ZGRF1: variants seen among roughly 807,000 people sequenced by gnomAD.
The protein encoded by ZGRF1 is zinc finger GRF-type containing 1.
Under a neutral mutation model 203.5 loss-of-function variants are expected in ZGRF1, and 196 were observed. That is an observed-to-expected ratio of 0.96 (90% confidence interval 0.86 to 1.08). The LOEUF (loss-of-function observed/expected upper bound fraction) is 1.08. Ranked by LOEUF, ZGRF1 falls within the 50% of genes least tolerant of loss-of-function variation. The pLI is 0.00. For missense variants in ZGRF1, 2,326 were observed against 2,416.3 expected, an observed-to-expected ratio of 0.96 and a Z score of 0.78; for synonymous variants, 809 against 841.3, an observed-to-expected ratio of 0.96 and a Z score of 0.66.
intron 10 of ZGRF1, among the ~76,000 whole-genome samples, chr4:112,592,756 T>G (rs897031154): frequency 2.0e-5 from 3 of 152,340 alleles, no homozygotes; most frequent in South Asian, 2.1e-4. Flanking sequence ...TATTCTTATG[T>G]ATTCACCAAA....
rs562373596 is a variant in ZGRF1, at chr4:112,560,236, G to T, written c.4960+497C>A. ...CGCCTTCACTGTGACAGAACCAAGC[G>T]GTAAGAATAGCTCCAAAATTAGGTA... On this transcript the variant is annotated intron_variant, in intron 19 of 27. Coordinates refer to ENST00000505019, the MANE Select transcript of ZGRF1 (RefSeq NM_018392.5). Among the ~76,000 whole-genome samples, 98 of 152,214 alleles carry T rather than the reference G, an allele frequency of 6.4e-4. 1 individual carries two copies. Among genetic ancestry groups the T allele is most frequent in the Admixed American group, 5.2e-4 (8 of 15,286 alleles).
chr4:112,576,474 T>C (rs140136193), intron 16 of ZGRF1, among the ~76,000 whole-genome samples: 597 of 152,148 alleles, frequency 3.9e-3, no homozygotes, highest in South Asian at 8.1e-3. Context: ...ACGATCAAAC[T>C]ACTCCCAGCT....
chr4:112,557,663 G>A (rs1386868427), intron 20 of ZGRF1, among the ~76,000 whole-genome samples: 3 of 152,206 alleles, frequency 2.0e-5, no homozygotes, highest in Non-Finnish European at 2.9e-5. Context: ...TTGAGGAGTA[G>A]GGCAAGAACA....
At position 112,617,591 on chromosome 4, in the gene ZGRF1, T is replaced by C. The variant is rs1424601068; in HGVS notation, c.2451A>G (p.Ser817=). The change falls in exon 6 of 28, where the codon TCA becomes TCG. Residue 817 remains serine, a synonymous_variant. Transcript: ENST00000505019. ...GKQYWNPRNS[S]ELSGLVNTIS... is the part of the protein sequence containing the mutation. The stretch of plus-strand genomic sequence containing the variant: ...TGGTATTTACTAATCCAGAAAGTTC[T>C]GAAGAATTTCTAGGATTCCAGTATT... 3.7e-6 allele frequency: 6 copies of C among 1,613,840 alleles called. No homozygotes were observed. Among genetic ancestry groups the C allele is most frequent in the Non-Finnish European group, 5.1e-6 (6 of 1,179,956 alleles).
intron 14 of ZGRF1, among the ~76,000 whole-genome samples, chr4:112,584,718 CA>C (rs2149009605): frequency 6.6e-6 from 1 of 152,294 alleles, no homozygotes; most frequent in East Asian, 1.9e-4. Context: ...TATCACTACT[CA>C]TGAATTTTTG....
At chr4:112,550,338 G>GT (rs944746179) in intron 22 of ZGRF1, among the ~76,000 whole-genome samples, 1 of 151,386 alleles carries the variant, frequency 6.6e-6, no homozygotes, top group African/African-American at 2.4e-5. Flanking sequence ...AGTTTTAAAG[G>GT]TAAAAAAAGA....
At chr4:112,595,077 A>G (rs1748776930) in intron 10 of ZGRF1, among the ~76,000 whole-genome samples, 1 of 152,012 alleles carries the variant, frequency 6.6e-6, no homozygotes, top group Non-Finnish European at 1.5e-5. Context: ...CCCCATCTCT[A>G]CTAAAAATAT....
intron 10 of ZGRF1, among the ~76,000 whole-genome samples, chr4:112,602,659 T>C (rs1448352785): frequency 1.3e-5 from 2 of 152,172 alleles, no homozygotes; most frequent in African/African-American, 4.8e-5. Context: ...ATCTGAAGAA[T>C]GGATAAATTG....
chr4:112,624,207 G>A (rs982005274), intron 3 of ZGRF1, among the ~76,000 whole-genome samples: 1 of 151,836 alleles, frequency 6.6e-6, no homozygotes, highest in Non-Finnish European at 1.5e-5. Context: ...TTCCTACCAG[G>A]AGGATATTAG....
chr4:112,539,656 T>C lies in ZGRF1; in HGVS notation c.6206A>G (p.Tyr2069Cys). The C allele has an allele frequency of 1.9e-6, 3 of 1,608,428 alleles. No homozygotes were observed. Among genetic ancestry groups the C allele is most frequent in the Non-Finnish European group, 8.5e-7 (1 of 1,177,768 alleles). Reference sequence around the variant, plus strand: ...AAGGAGATGGTTCAGCTGTGGTTCATACTGGTTTGCATGTTGCAATCCATC... The same window carrying C: ...AAGGAGATGGTTCAGCTGTGGTTCACACTGGTTTGCATGTTGCAATCCATC... ...REDGLQHANQ[Y>C]EPQLNHLLKD... Residue 2069 changes from tyrosine (Y) to cysteine (C), a missense_variant, in exon 28 of 28, where the codon TAT becomes TGT. By Grantham distance (194) the Tyr-to-Cys change is radical. Transcript: ENST00000505019.
chr4:112,552,328 G>A (rs1035735587), intron 22 of ZGRF1, among the ~76,000 whole-genome samples: 1 of 151,712 alleles, frequency 6.6e-6, no homozygotes, highest in African/African-American at 2.4e-5. Flanking sequence ...ATGCCTGGCT[G>A]GACCTTAGAA....
In ZGRF1 at chr4:112,619,448, T is replaced by C. The variant is rs751040724; in HGVS notation, c.594A>G (p.Pro198=). The change falls in exon 6 of 28, where the codon CCA becomes CCG. Residue 198 remains proline (P), a synonymous_variant. Transcript: ENST00000505019. The part of the protein sequence containing the change: ...NAMDFSSVFS[P]SFQINPEVLC... Reference sequence around the variant, plus strand: ...GCACTTCTGGGTTAATCTGGAAGGATGGAGAAAAAACCGAAGAAAAATCCA... The same window carrying C: ...GCACTTCTGGGTTAATCTGGAAGGACGGAGAAAAAACCGAAGAAAAATCCA... 1.2e-6 allele frequency: 2 copies of C among 1,612,412 alleles called. No individual in the cohort carries two copies. Among genetic ancestry groups the C allele is most frequent in the South Asian group, 1.1e-5 (1 of 90,710 alleles).
intron 16 of ZGRF1, among the ~76,000 whole-genome samples, chr4:112,578,671 A>G (rs1209222493): frequency 8.1e-6 from 1 of 123,702 alleles, no homozygotes; most frequent in Non-Finnish European, 1.8e-5. Context: ...GAACATCTAG[A>G]AGAAATGGAT....
At chr4:112,541,313 C>T in intron 24 of ZGRF1, 45 bp from the exon 25 acceptor site, 1 of 1,113,938 alleles carries the variant, frequency 9.0e-7, no homozygotes, top group Non-Finnish European at 1.3e-6. Flanking sequence ...TTTTTTTGTT[C>T]TTCTAGGGAA....
At chr4:112,575,280 C>A (rs1744939547) in intron 16 of ZGRF1, among the ~76,000 whole-genome samples, 1 of 152,004 alleles carries the variant, frequency 6.6e-6, no homozygotes. Context: ...TTTAAAAAGG[C>A]CTAACATTTG....
Position 112,539,959 on chromosome 4 carries a change from C to A in ZGRF1, c.6076G>T (p.Ala2026Ser). The A allele has an allele frequency of 6.2e-7, 1 of 1,613,852 alleles. No homozygotes were observed. Among genetic ancestry groups the A allele is most frequent in the Non-Finnish European group, 8.5e-7 (1 of 1,179,800 alleles). Residue 2026 changes from alanine (A) to serine (S), a missense_variant, in exon 27 of 28, where the codon GCA (alanine) becomes TCA (serine). Transcript: ENST00000505019. ...FIDSEKRMNV[A>S]LTRGKRHLLI... Reference sequence around the variant, plus strand: ...AAATGCCTCTTTCCTCTAGTCAATGCAACATTCATTCTTTTTTCTGAATCA... The same window carrying A: ...AAATGCCTCTTTCCTCTAGTCAATGAAACATTCATTCTTTTTTCTGAATCA...
chr4:112,632,975 G>T (rs1201759964), intron 2 of ZGRF1, among the ~76,000 whole-genome samples, 181 bp downstream of exon 2: 1 of 152,154 alleles, frequency 6.6e-6, no homozygotes, highest in Non-Finnish European at 1.5e-5. Flanking sequence ...GCAATATTTG[G>T]GATCCTAATG....
chr4:112,632,185 A>G lies in ZGRF1; in HGVS notation c.22-175T>C, dbSNP rs552633537. Among the ~76,000 whole-genome samples the G allele has an allele frequency of 9.8e-5, 15 of 152,286 alleles. 1 individual carries two copies. In the South Asian group the frequency reaches 3.1e-3, roughly 32 times the overall value. On this transcript the variant is annotated intron_variant, in intron 2 of 27. Transcript: ENST00000505019. ...AAACAAAAGCACAGATAGCATGACA[A>G]TAACATTAAATATTAATTAAATGAA...
intron 20 of ZGRF1, among the ~76,000 whole-genome samples, chr4:112,556,091 C>G (rs1438268643): frequency 6.6e-6 from 1 of 151,430 alleles, no homozygotes; most frequent in Non-Finnish European, 1.5e-5. Context: ...AAACAAAAAA[C>G]AACGTTGTCC....
Sources: gnomAD v4.1 joint callset for allele counts (sites outside exome capture counted in the v4.1 genomes callset) on GRCh38, gnomAD v4.1.1 for gene constraint, MANE v1.5 for transcripts, NCBI Gene and HGNC (gene_info 2026-07-23, HGNC 2026-07-21) for gene names.